MED25: variants seen among roughly 807,000 people sequenced by gnomAD.
MED25 encodes the protein mediator of RNA polymerase II transcription subunit 25.
In MED25, 62 loss-of-function variants were observed where a neutral mutation model predicts 89.4. The observed-to-expected ratio is 0.69, with a 90% confidence interval of 0.57 to 0.86. The LOEUF is 0.86. MED25 is among the 40% of genes least tolerant of loss of function. The probability of loss-of-function intolerance (pLI) is 0.00; values close to 1 mark genes in which losing one functional copy is unlikely to be tolerated. For missense variants in MED25, 905 were observed against 1,005.2 expected (o/e 0.90, Z 1.35); for synonymous variants, 449 against 427.9 (o/e 1.05, Z -0.61).
rs1335642650 is a variant in MED25 at position 49,835,663 on chromosome 19, T to C, written c.1746+58T>C. Reference sequence around the variant, plus strand: ...TTGGGGAGGCCCCAAGGCTGCGCTCTGTGCCTGCAGAAGGGGCGTGAGGCC... The same window carrying C: ...TTGGGGAGGCCCCAAGGCTGCGCTCCGTGCCTGCAGAAGGGGCGTGAGGCC... On this transcript the variant is annotated intron_variant, in intron 15 of 17. Transcript: ENST00000312865. This position sits in a 1 kb window ranked among gnomAD's most constrained non-coding sequence, Gnocchi z 6.2. 21 of 1,573,668 alleles carry C rather than the reference T, an allele frequency of 1.3e-5. No individual in the cohort carries two copies. Among genetic ancestry groups the C allele is most frequent in the East Asian group, 2.4e-5 (1 of 42,092 alleles).
Position 49,835,271 on chromosome 19 carries a change from C to T in MED25, c.1674+94C>T, listed in dbSNP as rs1301698540. 2.2e-6 allele frequency: 3 copies of T among 1,361,872 alleles called. No homozygotes were observed. Among genetic ancestry groups the T allele is most frequent in the Non-Finnish European group, 3.2e-6 (3 of 952,206 alleles). The allele number at this position is 1,361,872 out of a possible 1,614,324, so 84.4% of individuals were successfully genotyped here. A position where few individuals can be genotyped will look rare whatever the true frequency, so the allele number is the denominator to read the frequency against. Reference sequence around the variant, plus strand: ...GGTCTCCAGGACCAAGATGCCCACCCTTCTCCCAATATGTGGTGCCTCCAA... The same window carrying T: ...GGTCTCCAGGACCAAGATGCCCACCTTTCTCCCAATATGTGGTGCCTCCAA... On this transcript the variant is annotated intron_variant, in intron 14 of 17. Coordinates refer to ENST00000312865, the MANE Select transcript of MED25 (RefSeq NM_030973.4). The surrounding 1 kb of genome is among the most constrained non-coding windows in gnomAD (Gnocchi z 6.2).
chr19:49,821,660 T>A (rs770111480), intron 3 of MED25, among the ~76,000 whole-genome samples: 3 of 151,706 alleles, frequency 2.0e-5, no homozygotes, highest in Non-Finnish European at 4.4e-5. Context: ...GTGCTGAAAT[T>A]ACAGGCCTTA....
chr19:49,819,121 G>A (rs1344660274), intron 2 of MED25, 51 bp from the exon 3 acceptor site: 2 of 1,611,534 alleles, frequency 1.2e-6, no homozygotes, highest in Admixed American at 1.7e-5. Flanking sequence ...TTCTCTAAGG[G>A]AAAAGGGAAT....
At position 49,829,861 on chromosome 19, in the gene MED25, C is replaced by G. The variant is rs149611039; in HGVS notation, c.601C>G (p.Pro201Ala). 39 of 1,612,776 alleles carry G rather than the reference C, an allele frequency of 2.4e-5. No individual in the cohort carries two copies. Among genetic ancestry groups the G allele is most frequent in the Non-Finnish European group, 3.2e-5 (38 of 1,179,742 alleles). ...LRLLFEKAAP[P>A]ALLEPLQPPT... is the part of the protein sequence containing the mutation. Reference sequence around the variant, plus strand: ...GCTTCTGTTTGAGAAGGCAGCCCCCCCGGCCTTGCTGGAGCCGCTGCAGCC... The same window carrying G: ...GCTTCTGTTTGAGAAGGCAGCCCCCGCGGCCTTGCTGGAGCCGCTGCAGCC... The change falls in exon 6 of 18, where the codon CCG (proline) becomes GCG (alanine). Residue 201 changes from proline to alanine, a missense_variant. Around this residue, in one of 3 missense-constraint regions of MED25, gnomAD observed 501 missense variants for 526.9 expected, o/e 0.95. Transcript: ENST00000312865. The surrounding 1 kb of genome is among the most constrained non-coding windows in gnomAD (Gnocchi z 4.6).
At chr19:49,825,856 A>G (rs1467243091) in intron 3 of MED25, among the ~76,000 whole-genome samples, 1 of 151,868 alleles carries the variant, frequency 6.6e-6, no homozygotes, top group African/African-American at 2.4e-5. Context: ...ATCACCCCAA[A>G]GAGGACACCC....
rs184472255 is a variant in MED25 at position 49,819,731 on chromosome 19, A to G, written c.305+435A>G. The G allele has an allele frequency of 9.3e-6, 3 of 324,076 alleles. No homozygotes were observed. The East Asian group carries it at 2.5e-4, about 27-fold the overall frequency. The allele number at this position is 324,076 out of a possible 1,614,324, so 20.1% of individuals were successfully genotyped here. A position where few individuals can be genotyped will look rare whatever the true frequency, so the allele number is the denominator to read the frequency against. ...CTTTCTGTCCTCTCTTTTTCCGTCT[A>G]CCCCTGTCCTCCTTTTCCAGATGGG... On this transcript the variant is annotated intron_variant, in intron 3 of 17. Transcript: ENST00000312865.
downstream of MED25, chr19:49,840,277 T>C (rs1451599079): frequency 6.6e-6 from 1 of 152,216 alleles, no homozygotes; most frequent in Admixed American, 6.5e-5. Flanking sequence ...ATTTTTCAAT[T>C]TGTATTTTTT....
At chr19:49,838,948 A>G, downstream of MED25, 1 of 367,238 alleles carries the variant, frequency 2.7e-6, no homozygotes, top group Non-Finnish European at 5.4e-6. Flanking sequence ...AAAGGAGCAG[A>G]GTGACGTGTC....
intron 3 of MED25, 139 bp from the exon 4 acceptor site, chr19:49,828,310 G>A: frequency 1.4e-6 from 1 of 705,318 alleles, no homozygotes; most frequent in Non-Finnish European, 2.6e-6. Context: ...GATTGGGTAG[G>A]GAACTCAGCA....
chr19:49,836,305 C>T lies in MED25; in HGVS notation c.2045C>T (p.Pro682Leu), dbSNP rs764017333. The stretch of plus-strand genomic sequence containing the variant: ...GGGGCTCCTGCGCTGCTGCCTCCGC[C>T]GCACCAGGGCCTGGGGCAGCCCCAG... ...PPGAPALLPPPHQGLGQPQLG... is the reference protein window; with the variant it reads ...PPGAPALLPPLHQGLGQPQLG... The change falls in exon 17 of 18, where the codon CCG (proline) becomes CTG (leucine). Residue 682 changes from proline (P) to leucine (L), a missense_variant. This residue lies in a region of MED25 where 271 missense variants were observed against 258.1 expected (regional missense o/e 1.05). Transcript: ENST00000312865. The surrounding 1 kb of genome is among the most constrained non-coding windows in gnomAD (Gnocchi z 5.1). The T allele has an allele frequency of 3.9e-5, 63 of 1,611,606 alleles. No individual in the cohort carries two copies. The highest frequency in any genetic ancestry group is 6.6e-5 in the South Asian group (6 of 90,902).
Position 49,831,521 on chromosome 19 carries a change from G to A in MED25, c.1230+60G>A, listed in dbSNP as rs1271019035. On this transcript the variant is annotated intron_variant, in intron 10 of 17. Transcript: ENST00000312865. This position sits in a 1 kb window ranked among gnomAD's most constrained non-coding sequence, Gnocchi z 5.0. ...CTCCTGGGGCCGTGGGGCTGGGCAT[G>A]TAGGACTCATGGGGCCAGATGCGTG... 4.4e-6 allele frequency: 7 copies of A among 1,581,254 alleles called. No individual in the cohort carries two copies. The Admixed American group carries it at 8.9e-5, about 20-fold the overall frequency.
chr19:49,822,732 C>T (rs1445281918), intron 3 of MED25, among the ~76,000 whole-genome samples: 2 of 149,444 alleles, frequency 1.3e-5, no homozygotes, highest in Admixed American at 6.8e-5. Context: ...ACTGCAAGCT[C>T]CGCCTCCCGA....
At position 49,835,853 on chromosome 19, in the gene MED25, G is replaced by A. The variant is rs1038939766; in HGVS notation, c.1873G>A (p.Ala625Thr). The A allele has an allele frequency of 1.1e-5, 18 of 1,612,420 alleles. No individual in the cohort carries two copies. The highest frequency in any genetic ancestry group is 2.7e-5 in the African/African-American group (2 of 74,882). The stretch of plus-strand genomic sequence containing the variant: ...TGCCCCTCAAGGCCCTCCTGGAGCA[G>A]CTTCTGGCCCACCCCCTCCTGGACC... ...PGAPQGPPGAASGPPPPGPIL... is the reference protein window; with the variant it reads ...PGAPQGPPGATSGPPPPGPIL... Residue 625 changes from alanine (A) to threonine (T), a missense_variant, in exon 16 of 18, where the codon GCT (alanine) becomes ACT (threonine). Physicochemically the swap from Ala to Thr is moderately conservative, Grantham distance 58 (BLOSUM62 0). This residue lies in a region of MED25 where 271 missense variants were observed against 258.1 expected (regional missense o/e 1.05). Transcript: ENST00000312865. The surrounding 1 kb of genome is among the most constrained non-coding windows in gnomAD (Gnocchi z 6.2).
chr19:49,832,716 G>A (rs2074067538), intron 13 of MED25, among the ~76,000 whole-genome samples: 1 of 152,102 alleles, frequency 6.6e-6, no homozygotes, highest in African/African-American at 2.4e-5. Flanking sequence ...CTGTGGCTGT[G>A]GTAACACATT....
Position 49,836,253 on chromosome 19 carries a change from G to A in MED25, c.1993G>A (p.Ala665Thr), listed in dbSNP as rs770686254. Residue 665 changes from alanine (A) to threonine (T), a missense_variant, in exon 17 of 18, where the codon GCC (alanine) becomes ACC (threonine). Ala to Thr is a moderately conservative substitution (Grantham distance 58). Coordinates refer to ENST00000312865, the MANE Select transcript of MED25 (RefSeq NM_030973.4). The surrounding 1 kb of genome is among the most constrained non-coding windows in gnomAD (Gnocchi z 5.1). ...PPQTGVPPPQ[A>T]SLHHLQPPGA... ...GCAGACTGGGGTGCCCCCACCCCAG[G>A]CCTCCCTCCACCACCTCCAGCCACC... 1.9e-6 allele frequency: 3 copies of A among 1,612,214 alleles called. No homozygotes were observed. The highest frequency in any genetic ancestry group is 4.5e-5 in the East Asian group (2 of 44,848).
chr19:49,829,868 T>TGCTGGAGCC lies in MED25; in HGVS notation c.613_621dup (p.Glu205_Leu207dup), dbSNP rs1205445496. ...TTTGAGAAGGCAGCCCCCCCGGCCT[T>TGCTGGAGCC]GCTGGAGCCGCTGCAGCCTCCGACA... On this transcript the variant is annotated inframe_insertion, in exon 6 of 18. Coordinates refer to ENST00000312865, the MANE Select transcript of MED25 (RefSeq NM_030973.4). This position sits in a 1 kb window ranked among gnomAD's most constrained non-coding sequence, Gnocchi z 4.6. The TGCTGGAGCC allele has an allele frequency of 1.2e-6, 2 of 1,612,938 alleles. No homozygotes were observed. The highest frequency in any genetic ancestry group is 1.7e-6 in the Non-Finnish European group (2 of 1,179,816).
At chr19:49,827,277 A>G (rs527512379) in intron 3 of MED25, among the ~76,000 whole-genome samples, 2 of 152,356 alleles carry the variant, frequency 1.3e-5, no homozygotes, top group African/African-American at 4.8e-5. Context: ...GGATGCTGCG[A>G]CGCGACTGCA....
chr19:49,828,340 G>A (rs2074028869), intron 3 of MED25, 109 bp from the exon 4 acceptor site: 4 of 784,878 alleles, frequency 5.1e-6, no homozygotes, highest in Non-Finnish European at 2.3e-6. Context: ...TCATCCCAAG[G>A]TGCATAGCCC....
rs776291104 is a variant in MED25, at chr19:49,829,816, C to T, written c.556C>T (p.Arg186Trp). The T allele has an allele frequency of 5.0e-6, 8 of 1,603,434 alleles. No homozygotes were observed. Among genetic ancestry groups the T allele is most frequent in the Non-Finnish European group, 4.3e-6 (5 of 1,175,246 alleles). Residue 186 changes from arginine to tryptophan, a missense_variant, in exon 6 of 18, where the codon CGG becomes TGG. This residue lies in a region of MED25 where 501 missense variants were observed against 526.9 expected (regional missense o/e 0.95). Transcript: ENST00000312865. The surrounding 1 kb of genome is among the most constrained non-coding windows in gnomAD (Gnocchi z 4.6). ...GATCCACTTCTCCATTGTGTCTCCC[C>T]GGAAGCTGCCTGCGCTTCGGCTTCT... The part of the protein sequence containing the change: ...RGIHFSIVSP[R>W]KLPALRLLFE...
Sources: gnomAD v4.1 joint callset for allele counts (sites outside exome capture counted in the v4.1 genomes callset) on GRCh38, gnomAD v4.1.1 for gene constraint, gnomAD v4.1.1 regional missense constraint, Gnocchi (gnomAD v3.1) non-coding constraint, MANE v1.5 for transcripts, NCBI Gene and HGNC (gene_info 2026-07-23, HGNC 2026-07-21) for gene names.